SMAD7: variants seen among roughly 807,000 people sequenced by gnomAD.
SMAD7 encodes the protein SMAD family member 7, also known as MAD (mothers against decapentaplegic, Drosophila) homolog 7.
In SMAD7, 8 loss-of-function variants were observed where a neutral mutation model predicts 38.7. The ratio of observed to expected loss-of-function variants is 0.21; its 90% CI spans 0.12 to 0.37. SMAD7 has a LOEUF of 0.37. Ranked by LOEUF, SMAD7 falls within the 10% of genes least tolerant of loss-of-function variation. SMAD7 has a pLI of 1.00. For missense variants in SMAD7, 477 were observed against 577.9 expected (o/e 0.83, Z 1.79); for synonymous variants, 327 against 265.1 (o/e 1.23, Z -2.27).
chr18:48,945,364 AGGCAGGACAAT>A lies in SMAD7; in HGVS notation c.668-2820_668-2810del, dbSNP rs1264007648. ...GTAGTCCCAGCTGCTCGGGAGGCTG[AGGCAGGACAAT>A]GGTGTGAACCCAGGAGGTGGAGCTT... On this transcript the variant is annotated intron_variant, in intron 2 of 3. Coordinates refer to ENST00000262158, the MANE Select transcript of SMAD7 (RefSeq NM_005904.4). Among the ~76,000 whole-genome samples, 9 of 152,252 alleles carry A rather than the reference AGGCAGGACAAT, an allele frequency of 5.9e-5. No individual in the cohort carries two copies. In the East Asian group the frequency reaches 1.7e-3, roughly 29 times the overall value.
intron 3 of SMAD7, among the ~76,000 whole-genome samples, chr18:48,934,746 C>T (rs1439097910): frequency 1.3e-5 from 2 of 151,226 alleles, no homozygotes; most frequent in Non-Finnish European, 2.9e-5. Flanking sequence ...AGAAAATGGC[C>T]TACATGTTCT....
Position 48,925,211 on chromosome 18 carries a change from C to T in SMAD7, c.743-3301G>A, listed in dbSNP as rs143594866. On this transcript the variant is annotated intron_variant, in intron 3 of 3. Coordinates refer to ENST00000262158, the MANE Select transcript of SMAD7 (RefSeq NM_005904.4). Reference sequence around the variant, plus strand: ...TTTCCCTCAGCTTTATAACCTTTTCCGGTATTTTCCACAAACTTCTCCCCC... The same window carrying T: ...TTTCCCTCAGCTTTATAACCTTTTCTGGTATTTTCCACAAACTTCTCCCCC... Among the ~76,000 whole-genome samples the T allele has an allele frequency of 7.1e-3, 1,074 of 152,288 alleles. 21 individuals are homozygous for T. The highest frequency in any genetic ancestry group is 7.7e-3 in the Non-Finnish European group (527 of 68,016).
At chr18:48,929,565 T>A (rs1057153875) in intron 3 of SMAD7, among the ~76,000 whole-genome samples, 70 of 40,206 alleles carry the variant, frequency 1.7e-3, no homozygotes, top group Middle Eastern at 0.013. Flanking sequence ...TCTCTCTCTC[T>A]CTCTCACTCA....
At chr18:48,929,799 T>G (rs1485594197) in intron 3 of SMAD7, among the ~76,000 whole-genome samples, 1 of 151,876 alleles carries the variant, frequency 6.6e-6, no homozygotes, top group Non-Finnish European at 1.5e-5. Context: ...CCCCTAGTCC[T>G]TGGAAGGCAT....
chr18:48,950,393 C>A lies in SMAD7; in HGVS notation c.32G>T (p.Arg11Leu). 1 of 1,546,498 alleles carries A rather than the reference C, an allele frequency of 6.5e-7. No homozygotes were observed. The highest frequency in any genetic ancestry group is 1.4e-5 in the African/African-American group (1 of 71,198). Residue 11 changes from arginine (R) to leucine (L), a missense_variant, in exon 1 of 4, where the codon CGG (arginine) becomes CTG (leucine). By Grantham distance (102) the Arg-to-Leu change is moderately radical. Around this residue, in one of 2 missense-constraint regions of SMAD7, gnomAD observed 376 missense variants for 379.4 expected, o/e 0.99. Coordinates refer to ENST00000262158, the MANE Select transcript of SMAD7 (RefSeq NM_005904.4). The stretch of plus-strand genomic sequence containing the variant: ...GGGCGCACGGCTCCTCCAGAGACGC[C>A]GGACGAGCGCAGATCGTTTGGTCCT... Reference protein sequence around the residue: MFRTKRSALVRRLWRSRAPGG... With the variant: MFRTKRSALVLRLWRSRAPGG...
intron 3 of SMAD7, among the ~76,000 whole-genome samples, chr18:48,933,243 C>G (rs1461777408): frequency 6.6e-6 from 1 of 152,046 alleles, no homozygotes; most frequent in Non-Finnish European, 1.5e-5. Context: ...GGGGCCCACC[C>G]TGCACCTCCC....
At chr18:48,942,390 T>G (rs919347178) in intron 3 of SMAD7, 91 bp downstream of exon 3, 1 of 801,274 alleles carries the variant, frequency 1.2e-6, no homozygotes, top group Non-Finnish European at 2.1e-6. Context: ...CCAGACCAGC[T>G]GGGGTGGCAG....
intron 3 of SMAD7, among the ~76,000 whole-genome samples, chr18:48,938,157 A>T (rs1477564821): frequency 6.6e-6 from 1 of 152,176 alleles, no homozygotes; most frequent in East Asian, 1.9e-4. Flanking sequence ...GCATTTTCAG[A>T]TTATATAGGT....
At chr18:48,942,741 C>T (rs1599233743) in intron 2 of SMAD7, 186 bp from the exon 3 acceptor site, 17 of 1,451,408 alleles carry the variant, frequency 1.2e-5, no homozygotes, top group South Asian at 5.5e-5. Flanking sequence ...CAGACCACAG[C>T]ACCTTGTCAC....
At chr18:48,937,997 C>T (rs897318080) in intron 3 of SMAD7, among the ~76,000 whole-genome samples, 3 of 152,174 alleles carry the variant, frequency 2.0e-5, no homozygotes, top group Admixed American at 2.0e-4. Context: ...GGCGCCCAGG[C>T]CCAGGTTCCC....
At chr18:48,924,606 A>G (rs7229639) in intron 3 of SMAD7, among the ~76,000 whole-genome samples, 132,634 of 152,184 alleles carry the variant, frequency 0.87, 58,018 homozygotes, top group Middle Eastern at 0.95. Context: ...AAAAACTGCA[A>G]TGCATGGATG....
At chr18:48,928,960 G>T (rs894573225) in intron 3 of SMAD7, among the ~76,000 whole-genome samples, 1 of 152,152 alleles carries the variant, frequency 6.6e-6, no homozygotes, top group Non-Finnish European at 1.5e-5. Context: ...ATTCAGCCAT[G>T]CAAATTACAG....
Position 48,950,393 on chromosome 18 carries a change from C to T in SMAD7, c.32G>A (p.Arg11Gln), listed in dbSNP as rs1182485788. Residue 11 changes from arginine to glutamine, a missense_variant, in exon 1 of 4, where the codon CGG becomes CAG. This residue lies in a region of SMAD7 where 376 missense variants were observed against 379.4 expected (regional missense o/e 0.99). Coordinates refer to ENST00000262158, the MANE Select transcript of SMAD7 (RefSeq NM_005904.4). MFRTKRSALV[R>Q]RLWRSRAPGG... is the part of the protein sequence containing the mutation. ...GGGCGCACGGCTCCTCCAGAGACGC[C>T]GGACGAGCGCAGATCGTTTGGTCCT... is the stretch of plus-strand genomic sequence containing the variant. The T allele has an allele frequency of 6.5e-7, 1 of 1,546,496 alleles. No homozygotes were observed. Among genetic ancestry groups the T allele is most frequent in the Non-Finnish European group, 8.7e-7 (1 of 1,147,332 alleles).
chr18:48,921,823 T>C lies in SMAD7; in HGVS notation c.830A>G (p.Tyr277Cys), dbSNP rs765808033. 3 of 1,613,950 alleles carry C rather than the reference T, an allele frequency of 1.9e-6. No homozygotes were observed. In the Admixed American group the frequency reaches 5.0e-5, roughly 27 times the overall value. The change falls in exon 4 of 4, where the codon TAC (tyrosine) becomes TGC (cysteine). Residue 277 changes from tyrosine (Y) to cysteine (C), a missense_variant. By Grantham distance (194) the Tyr-to-Cys change is radical (BLOSUM62 -2). Transcript: ENST00000262158. This position sits in a 1 kb window ranked among gnomAD's most constrained non-coding sequence, Gnocchi z 6.4. ...WEEKTRVGRL[Y>C]CVQEPSLDIF... The stretch of plus-strand genomic sequence containing the variant: ...ATCCAGAGAGGGCTCCTGGACACAG[T>C]AGAGCCTCCCCACTCTCGTCTTCTC...
chr18:48,937,661 C>T (rs1352325690), intron 3 of SMAD7, among the ~76,000 whole-genome samples: 2 of 152,114 alleles, frequency 1.3e-5, no homozygotes, highest in East Asian at 1.9e-4. Flanking sequence ...CAGGTGAGCC[C>T]GCCCCAGCCC....
chr18:48,947,904 C>G (rs865869205), intron 2 of SMAD7, among the ~76,000 whole-genome samples: 5 of 134,868 alleles, frequency 3.7e-5, no homozygotes, highest in Non-Finnish European at 6.5e-5. Flanking sequence ...CCCCCCCCCC[C>G]TTTTACTGGC....
At chr18:48,930,457 G>A (rs1195897059) in intron 3 of SMAD7, among the ~76,000 whole-genome samples, 1 of 152,172 alleles carries the variant, frequency 6.6e-6, no homozygotes, top group Non-Finnish European at 1.5e-5. Context: ...CTGTCACAAG[G>A]CCCTGGAGTC....
At chr18:48,933,879 G>T (rs949739328) in intron 3 of SMAD7, among the ~76,000 whole-genome samples, 1 of 152,236 alleles carries the variant, frequency 6.6e-6, no homozygotes, top group Non-Finnish European at 1.5e-5. Flanking sequence ...GGCCCTTGTT[G>T]TGTTATGAAA....
intron 3 of SMAD7, among the ~76,000 whole-genome samples, chr18:48,932,706 TC>T (rs1409797567): frequency 5.3e-5 from 8 of 152,094 alleles, no homozygotes; most frequent in Non-Finnish European, 1.2e-4. Context: ...GATTATTTCA[TC>T]CAAACCCAAC....
Sources: allele counts gnomAD v4.1 joint callset (sites outside exome capture counted in the v4.1 genomes callset), GRCh38; gene constraint gnomAD v4.1.1; regional missense constraint gnomAD v4.1.1; non-coding constraint Gnocchi (gnomAD v3.1); transcripts MANE v1.5; gene names NCBI Gene and HGNC (gene_info 2026-07-23, HGNC 2026-07-21).